Variants in PLSCR2 observed in about 807,000 individuals in gnomAD.
PLSCR2 encodes the protein PL scramblase 2.
Under a neutral mutation model 25.3 loss-of-function variants are expected in PLSCR2, and 18 were observed. The observed-to-expected ratio is 0.71, with a 90% confidence interval of 0.49 to 1.06. PLSCR2 has a LOEUF of 1.06. Ranked by LOEUF, PLSCR2 falls within the 50% of genes least tolerant of loss-of-function variation. The pLI, the probability that PLSCR2 is intolerant of heterozygous loss-of-function variation, is 0.00. For synonymous variants in PLSCR2, 88 were observed against 87.3 expected, an observed-to-expected ratio of 1.01 and a Z score of -0.04; for missense variants, 243 against 269.5, an observed-to-expected ratio of 0.90 and a Z score of 0.69.
At chr3:146,481,871 T>G (rs561162425) in intron 1 of PLSCR2, among the ~76,000 whole-genome samples, 2 of 152,194 alleles carry the variant, frequency 1.3e-5, no homozygotes, top group African/African-American at 4.8e-5. Flanking sequence ...GCTACTGGTA[T>G]AAAAACAGAT....
At chr3:146,445,095 CTATTTA>C (rs1423570621) in intron 6 of PLSCR2, among the ~76,000 whole-genome samples, 1 of 151,986 alleles carries the variant, frequency 6.6e-6, no homozygotes, top group Non-Finnish European at 1.5e-5. Flanking sequence ...GTTGTTGTTT[CTATTTA>C]TATGTTATTA....
At chr3:146,451,090 A>G (rs930899078) in intron 5 of PLSCR2, among the ~76,000 whole-genome samples, 1 of 150,790 alleles carries the variant, frequency 6.6e-6, no homozygotes, top group African/African-American at 2.4e-5. Flanking sequence ...CATCATAAGA[A>G]GTATACATTA....
chr3:146,480,041 G>A (rs971132577), intron 1 of PLSCR2, among the ~76,000 whole-genome samples: 2 of 152,054 alleles, frequency 1.3e-5, no homozygotes, highest in Admixed American at 1.3e-4. Flanking sequence ...AAACCAATGA[G>A]AACAAAGACA....
chr3:146,495,584 G>T (rs2065310848), intron 1 of PLSCR2, among the ~76,000 whole-genome samples: 1 of 152,124 alleles, frequency 6.6e-6, no homozygotes, highest in South Asian at 2.1e-4. Context: ...CCCCGCTTCT[G>T]CCCTGTGAGG....
intron 3 of PLSCR2, among the ~76,000 whole-genome samples, chr3:146,393,384 TG>T (rs1432653734): frequency 3.3e-5 from 5 of 151,790 alleles, no homozygotes; most frequent in African/African-American, 1.2e-4. Context: ...AATTGAGTGT[TG>T]TTTGCTCATA....
chr3:146,449,376 CAAAA>C lies in PLSCR2; in HGVS notation c.484-13_484-10del. On this transcript the variant is annotated splice_polypyrimidine_tract_variant and intron_variant, in intron 5 of 6. Transcript: ENST00000610787. ...TCATCAAGAGATGTAATCTAAATTG[CAAAA>C]AAAAAAAAAACTTAAAAATTTCTAG... 3 of 1,254,948 alleles carry C rather than the reference CAAAA, an allele frequency of 2.4e-6. No homozygotes were observed. Among genetic ancestry groups the C allele is most frequent in the Non-Finnish European group, 3.2e-6 (3 of 930,172 alleles). 77.7% of individuals were successfully genotyped at this position (1,254,948 alleles called of 1,614,324 possible).
chr3:146,397,732 T>C (rs564557139), intron 2 of PLSCR2, among the ~76,000 whole-genome samples: 3 of 152,250 alleles, frequency 2.0e-5, no homozygotes, highest in Admixed American at 1.3e-4. Flanking sequence ...AAGCATTTTA[T>C]TATTTGGTGT....
chr3:146,434,621 A>G (rs1576615695), intron 8 of PLSCR2, among the ~76,000 whole-genome samples: 2 of 152,164 alleles, frequency 1.3e-5, no homozygotes, highest in Non-Finnish European at 1.5e-5. Flanking sequence ...AGAAGAGAAA[A>G]TTCAATCCCT....
intron 2 of PLSCR2, among the ~76,000 whole-genome samples, chr3:146,410,448 C>T (rs1348332726): frequency 6.6e-6 from 1 of 152,194 alleles, no homozygotes; most frequent in African/African-American, 2.4e-5. Context: ...ACAATCTAAA[C>T]ACCTACAACC....
intron 2 of PLSCR2, among the ~76,000 whole-genome samples, chr3:146,403,618 T>C (rs1347599671): frequency 6.6e-6 from 1 of 152,236 alleles, no homozygotes; most frequent in Non-Finnish European, 1.5e-5. Context: ...TTTCCACAAT[T>C]AGTTTTTACC....
At chr3:146,462,525 G>A (rs898767267), upstream of PLSCR2, among the ~76,000 whole-genome samples, 2 of 151,118 alleles carry the variant, frequency 1.3e-5, no homozygotes, top group African/African-American at 4.9e-5. Flanking sequence ...GTGTAGTGTG[G>A]CATGATCTTG....
chr3:146,479,477 G>A (rs1275075008), intron 1 of PLSCR2, among the ~76,000 whole-genome samples: 1 of 152,112 alleles, frequency 6.6e-6, no homozygotes, highest in African/African-American at 2.4e-5. Context: ...AACCAACAAA[G>A]ATCAAAAGAG....
intron 1 of PLSCR2, among the ~76,000 whole-genome samples, chr3:146,493,520 A>C (rs1036733006): frequency 3.3e-5 from 5 of 152,196 alleles, no homozygotes; most frequent in African/African-American, 1.2e-4. Flanking sequence ...AACAGAACTA[A>C]GAACAAAAAC....
intron 2 of PLSCR2, among the ~76,000 whole-genome samples, chr3:146,422,926 C>T (rs2039197533): frequency 1.3e-5 from 2 of 151,982 alleles, no homozygotes; most frequent in South Asian, 4.1e-4. Context: ...TAAAGCAGGA[C>T]ACTGCCACAA....
intron 2 of PLSCR2, among the ~76,000 whole-genome samples, chr3:146,420,002 G>A (rs935461133): frequency 1.3e-5 from 2 of 152,088 alleles, no homozygotes; most frequent in Non-Finnish European, 2.9e-5. Flanking sequence ...TAACTTCAAG[G>A]TAGTTGAATT....
chr3:146,434,941 G>C (rs1184267921), intron 8 of PLSCR2, among the ~76,000 whole-genome samples: 1 of 124,422 alleles, frequency 8.0e-6, no homozygotes, highest in Non-Finnish European at 1.6e-5. Context: ...CCCATGACAG[G>C]CCCTGGTGTG....
At chr3:146,489,911 T>C (rs986970410) in intron 1 of PLSCR2, among the ~76,000 whole-genome samples, 1 of 152,104 alleles carries the variant, frequency 6.6e-6, no homozygotes, top group Non-Finnish European at 1.5e-5. Context: ...TTCTCTCTAC[T>C]ATATTTCTCC....
At chr3:146,428,967 T>C (rs1203123970), downstream of PLSCR2, among the ~76,000 whole-genome samples, 2 of 152,214 alleles carry the variant, frequency 1.3e-5, no homozygotes, top group East Asian at 1.9e-4. Context: ...CTTTTTTCTA[T>C]GTTTGTTCTA....
chr3:146,495,115 G>A (rs371239090), intron 1 of PLSCR2: 1 of 152,088 alleles, frequency 6.6e-6, no homozygotes, highest in East Asian at 1.9e-4. Flanking sequence ...GAGAGAAGAG[G>A]TTCATTCAGG....
Sources: allele counts gnomAD v4.1 joint callset (sites outside exome capture counted in the v4.1 genomes callset), GRCh38; gene constraint gnomAD v4.1.1; transcripts MANE v1.5; gene names NCBI Gene and HGNC (gene_info 2026-07-23, HGNC 2026-07-21).